Variants in TMEM232 observed in about 807,000 individuals in gnomAD.
TMEM232 encodes transmembrane protein 232.
Under a neutral mutation model 78.8 loss-of-function variants are expected in TMEM232, and 80 were observed. The observed-to-expected ratio is 1.01, with a 90% CI of 0.85 to 1.22. TMEM232 has a LOEUF of 1.22. Ranked by LOEUF, TMEM232 falls within the 50% of genes most tolerant of loss-of-function variation. The probability of loss-of-function intolerance (pLI) is 0.00; values close to 1 mark genes in which losing one functional copy is unlikely to be tolerated. For missense variants in TMEM232, 881 were observed against 742.2 expected (o/e 1.19, Z -2.17); for synonymous variants, 297 against 254.3 (o/e 1.17, Z -1.60).
intron 12 of TMEM232, among the ~76,000 whole-genome samples, chr5:110,522,868 A>G (rs114870319): frequency 1.0e-3 from 153 of 152,224 alleles, no homozygotes; most frequent in African/African-American, 3.5e-3. Context: ...TTATTGGTGT[A>G]TAATTCTCCT....
At chr5:110,587,677 ATATATATATATATATGTG>A (rs1446925834) in intron 10 of TMEM232, among the ~76,000 whole-genome samples, 12 of 96,604 alleles carry the variant, frequency 1.2e-4, no homozygotes, top group African/African-American at 6.1e-4. Flanking sequence ...ATATATATAT[ATATATATATATATATGTG>A]TGTGTGTGTG....
At chr5:110,720,127 T>C (rs1797441991) in intron 1 of TMEM232, among the ~76,000 whole-genome samples, 1 of 152,066 alleles carries the variant, frequency 6.6e-6, no homozygotes, top group Non-Finnish European at 1.5e-5. Flanking sequence ...TTTCAGAGTT[T>C]TTTCTTACAG....
At chr5:110,550,924 C>G (rs1304291602) in intron 11 of TMEM232, among the ~76,000 whole-genome samples, 1 of 146,116 alleles carries the variant, frequency 6.8e-6, no homozygotes, top group Non-Finnish European at 1.5e-5. Flanking sequence ...GTTTGGCAAA[C>G]TACCACCCAC....
intron 1 of TMEM232, chr5:110,667,588 G>C (rs1790760837): frequency 7.8e-6 from 2 of 255,826 alleles, no homozygotes; most frequent in African/African-American, 4.5e-5. Context: ...TCTTTATTAT[G>C]CTTTAGCAGT....
chr5:110,478,983 G>A (rs979358478), intron 12 of TMEM232, among the ~76,000 whole-genome samples: 11 of 149,444 alleles, frequency 7.4e-5, no homozygotes, highest in African/African-American at 2.7e-4. Context: ...CCTTGATTGG[G>A]ACTTAAAGTG....
downstream of TMEM232, among the ~76,000 whole-genome samples, chr5:110,415,178 CTT>C (rs10586563): frequency 0.27 from 40,836 of 150,624 alleles, 9,168 homozygotes; most frequent in African/African-American, 0.61. Flanking sequence ...TTAAATCTAT[CTT>C]TCTCTCCAAC....
chr5:110,503,666 G>C (rs1329670961), intron 12 of TMEM232, among the ~76,000 whole-genome samples: 1 of 152,116 alleles, frequency 6.6e-6, no homozygotes, highest in Non-Finnish European at 1.5e-5. Context: ...GGTTTGCCTA[G>C]GTTGAAATTC....
At chr5:110,503,509 G>A (rs1039788685) in intron 12 of TMEM232, among the ~76,000 whole-genome samples, 3 of 151,980 alleles carry the variant, frequency 2.0e-5, no homozygotes, top group South Asian at 2.1e-4. Flanking sequence ...GTATAGTACC[G>A]AAGGGAAGAT....
chr5:110,490,177 G>GAAAT (rs1238028698), intron 12 of TMEM232, among the ~76,000 whole-genome samples: 7 of 125,730 alleles, frequency 5.6e-5, no homozygotes, highest in African/African-American at 2.6e-4. Context: ...AAGAAAGAAA[G>GAAAT]AAAGAAAGAA....
chr5:110,426,515 T>A (rs1452922642), intron 12 of TMEM232, among the ~76,000 whole-genome samples: 1 of 151,900 alleles, frequency 6.6e-6, no homozygotes, highest in Admixed American at 6.6e-5. Context: ...GTTAGTGGAG[T>A]AGTATCCAGT....
intron 5 of TMEM232, among the ~76,000 whole-genome samples, chr5:110,632,427 CA>C (rs1369806133): frequency 6.6e-6 from 1 of 150,804 alleles, no homozygotes; most frequent in African/African-American, 2.4e-5. Flanking sequence ...TGTGACATCA[CA>C]GGGAAAAAAA....
intron 3 of TMEM232, among the ~76,000 whole-genome samples, chr5:110,393,005 C>T (rs569582246): frequency 6.6e-6 from 1 of 152,286 alleles, no homozygotes; most frequent in East Asian, 1.9e-4. Flanking sequence ...CTCTCATTGA[C>T]TACTAATTTA....
At chr5:110,699,492 C>A (rs552598904) in intron 1 of TMEM232, among the ~76,000 whole-genome samples, 8 of 151,858 alleles carry the variant, frequency 5.3e-5, no homozygotes, top group African/African-American at 1.9e-4. Flanking sequence ...TTTGAGATCC[C>A]GAAACTGGTT....
At chr5:110,664,646 A>G (rs1790305565) in intron 2 of TMEM232, among the ~76,000 whole-genome samples, 1 of 152,224 alleles carries the variant, frequency 6.6e-6, no homozygotes, top group Non-Finnish European at 1.5e-5. Flanking sequence ...CTAGTTCCAG[A>G]AGCTGGGAAA....
intron 12 of TMEM232, among the ~76,000 whole-genome samples, chr5:110,440,543 T>A (rs1047252893): frequency 8.5e-5 from 13 of 152,138 alleles, no homozygotes; most frequent in Admixed American, 3.3e-4. Context: ...ACCCTCATAT[T>A]TGATAGATTG....
intron 12 of TMEM232, among the ~76,000 whole-genome samples, chr5:110,441,694 C>T (rs755197094): frequency 5.9e-5 from 9 of 152,106 alleles, no homozygotes; most frequent in Non-Finnish European, 1.3e-4. Flanking sequence ...ATTGAGTTGC[C>T]TTACTGGAGA....
rs115231866 is a variant in TMEM232, at chr5:110,665,626, C to T, written c.125+1602G>A. Among the ~76,000 whole-genome samples the T allele has an allele frequency of 4.6e-3, 691 of 150,886 alleles. 6 individuals carry two copies. Among genetic ancestry groups the T allele is most frequent in the African/African-American group, 0.016 (654 of 41,222 alleles). ...GAGAACAGCAAGGGGAAATCCATCC[C>T]GGTTATCCAATCACCTCCCACCAGG... On this transcript the variant is annotated intron_variant, in intron 2 of 13. Transcript: ENST00000455884.
intron 10 of TMEM232, among the ~76,000 whole-genome samples, chr5:110,602,070 T>C (rs1479978117): frequency 6.6e-6 from 1 of 152,124 alleles, no homozygotes; most frequent in African/African-American, 2.4e-5. Flanking sequence ...TAATAAATGG[T>C]GCTGGGAAAA....
chr5:110,457,826 A>G (rs1339942024), intron 12 of TMEM232, among the ~76,000 whole-genome samples: 1 of 152,114 alleles, frequency 6.6e-6, no homozygotes, highest in Non-Finnish European at 1.5e-5. Flanking sequence ...GGTATATATT[A>G]GAAGGAATTA....
Sources: allele counts gnomAD v4.1 joint callset (sites outside exome capture counted in the v4.1 genomes callset), GRCh38; gene constraint gnomAD v4.1.1; transcripts MANE v1.5; gene names NCBI Gene and HGNC (gene_info 2026-07-23, HGNC 2026-07-21).